CXXC5: variants seen among roughly 807,000 people sequenced by gnomAD.
The protein encoded by CXXC5 is CXXC finger protein 5, also known as CXXC-type zinc finger protein 5.
In CXXC5, 2 loss-of-function variants were observed where a neutral mutation model predicts 17.6. The ratio of observed to expected loss-of-function variants is 0.11; its 90% CI spans 0.05 to 0.36. CXXC5 has a LOEUF of 0.36. Ranked by LOEUF, CXXC5 falls within the 10% of genes least tolerant of loss-of-function variation. The probability of loss-of-function intolerance (pLI) is 1.00; values close to 1 mark genes in which losing one functional copy is unlikely to be tolerated. For missense variants in CXXC5, 343 were observed against 458.3 expected (o/e 0.75, Z 2.30); for synonymous variants, 171 against 193.0 (o/e 0.89, Z 0.94).
At chr5:139,679,117 G>A (rs1345245165) in intron 1 of CXXC5, among the ~76,000 whole-genome samples, 2 of 152,178 alleles carry the variant, frequency 1.3e-5, no homozygotes, top group Non-Finnish European at 2.9e-5. Flanking sequence ...CTACTCCTCA[G>A]TGCCAGCCTG....
chr5:139,664,898 G>A (rs186762682), intron 1 of CXXC5, among the ~76,000 whole-genome samples: 1 of 152,360 alleles, frequency 6.6e-6, no homozygotes, highest in Admixed American at 6.5e-5. Context: ...GGAGAATCAT[G>A]ATGCCTACCT....
chr5:139,656,360 T>C (rs1377328009), intron 1 of CXXC5, among the ~76,000 whole-genome samples: 2 of 152,246 alleles, frequency 1.3e-5, no homozygotes, highest in African/African-American at 4.8e-5. Flanking sequence ...CTCAGTGGGC[T>C]TGAGTGGCTG....
rs987986401 is a variant in CXXC5 at position 139,683,046 on chromosome 5, T to A, written c.*139T>A. On this transcript the variant is annotated 3_prime_UTR_variant, in exon 3 of 3. Transcript: ENST00000302517. Reference sequence around the variant, plus strand: ...TCTCTCACAGATTTCATTCCTGTTTTTATATATATATTTTTTGTTGTCGTT... The same window carrying A: ...TCTCTCACAGATTTCATTCCTGTTTATATATATATATTTTTTGTTGTCGTT... 8 of 637,798 alleles carry A rather than the reference T, an allele frequency of 1.3e-5. No individual in the cohort carries two copies. The highest frequency in any genetic ancestry group is 5.5e-5 in the South Asian group (1 of 18,056). The allele number at this position is 637,798 out of a possible 1,614,324, so 39.5% of individuals were successfully genotyped here. A position where few individuals can be genotyped will look rare whatever the true frequency, so the allele number is the denominator to read the frequency against.
chr5:139,659,655 C>T (rs1755674863), intron 1 of CXXC5: 1 of 152,196 alleles, frequency 6.6e-6, no homozygotes. Flanking sequence ...AGTGGGAGCC[C>T]TCCGGAAGGT....
At chr5:139,672,017 G>A (rs530112141) in intron 1 of CXXC5, among the ~76,000 whole-genome samples, 16 of 152,330 alleles carry the variant, frequency 1.1e-4, no homozygotes, top group Non-Finnish European at 2.1e-4. Context: ...AGTAGAATCC[G>A]GTGAGAAAAT....
At chr5:139,666,164 A>T (rs1203007648) in intron 1 of CXXC5, among the ~76,000 whole-genome samples, 1 of 152,168 alleles carries the variant, frequency 6.6e-6, no homozygotes, top group Non-Finnish European at 1.5e-5. Flanking sequence ...GGTGGAGCAG[A>T]GGTGGGTAGA....
intron 1 of CXXC5, among the ~76,000 whole-genome samples, chr5:139,651,832 T>G (rs182695274): frequency 2.0e-4 from 30 of 152,268 alleles, no homozygotes; most frequent in African/African-American, 7.2e-4. Context: ...TTAACAAGCA[T>G]GATGCTCTGG....
chr5:139,657,698 C>G (rs575021110), intron 1 of CXXC5, among the ~76,000 whole-genome samples: 1 of 152,336 alleles, frequency 6.6e-6, no homozygotes, highest in South Asian at 2.1e-4. Context: ...ATTTTTCCAT[C>G]TGTCAGATGG....
rs1756619841 is a variant in CXXC5 at position 139,673,813 on chromosome 5, C to G, written c.-160-6551C>G. ...GCTGAGATCGGGCCACGCACTCCAG[C>G]CTGGGTGACAGAGCAAGACTCTTGT... On this transcript the variant is annotated intron_variant, in intron 1 of 2. Coordinates refer to ENST00000302517, the MANE Select transcript of CXXC5 (RefSeq NM_016463.9). 2.7e-5 allele frequency among the ~76,000 whole-genome samples: 4 copies of G among 149,660 alleles called. No homozygotes were observed. In the South Asian group the frequency reaches 8.5e-4, roughly 32 times the overall value.
intron 2 of CXXC5, among the ~76,000 whole-genome samples, chr5:139,681,990 T>G (rs2126832151): frequency 6.6e-6 from 1 of 152,218 alleles, no homozygotes; most frequent in East Asian, 1.9e-4. Flanking sequence ...ACCCTTGGTC[T>G]GGGCACCTAG....
intron 1 of CXXC5, among the ~76,000 whole-genome samples, chr5:139,667,519 T>C (rs1756175651): frequency 6.6e-6 from 1 of 152,220 alleles, no homozygotes; most frequent in South Asian, 2.1e-4. Flanking sequence ...ACACAGCCTG[T>C]TGAGGGGCAG....
chr5:139,666,394 G>A (rs1409439138), intron 1 of CXXC5, among the ~76,000 whole-genome samples: 1 of 152,122 alleles, frequency 6.6e-6, no homozygotes, highest in African/African-American at 2.4e-5. Context: ...CCATGCCCCA[G>A]GGGTCTCAGG....
chr5:139,649,660 G>A (rs1755061591), intron 1 of CXXC5: 1 of 152,350 alleles, frequency 6.6e-6, no homozygotes, highest in African/African-American at 2.4e-5. Context: ...CCCAGCCTTG[G>A]GGAGTCTTTT....
At chr5:139,660,761 C>T (rs1755755337) in intron 1 of CXXC5, among the ~76,000 whole-genome samples, 1 of 150,434 alleles carries the variant, frequency 6.6e-6, no homozygotes, top group African/African-American at 2.5e-5. Flanking sequence ...TTAGTCAGTC[C>T]TGCAGAGCCA....
chr5:139,662,201 G>A (rs2126767927), intron 1 of CXXC5, among the ~76,000 whole-genome samples: 2 of 152,220 alleles, frequency 1.3e-5, no homozygotes, highest in Middle Eastern at 6.8e-3. Flanking sequence ...CCCCTTAGTT[G>A]CCAAGGCCCT....
intron 1 of CXXC5, chr5:139,665,894 T>TAAAC (rs1190102981): frequency 6.6e-6 from 1 of 152,272 alleles, no homozygotes; most frequent in Non-Finnish European, 1.5e-5. Flanking sequence ...CTGCTGAGGA[T>TAAAC]AAGAACCCGG....
chr5:139,672,278 C>T (rs546864830), intron 1 of CXXC5, among the ~76,000 whole-genome samples: 3 of 152,078 alleles, frequency 2.0e-5, no homozygotes, highest in African/African-American at 4.8e-5. Context: ...CCACCACGCT[C>T]GGCTAATTTT....
At chr5:139,656,932 C>A (rs1209505726) in intron 1 of CXXC5, among the ~76,000 whole-genome samples, 1 of 152,132 alleles carries the variant, frequency 6.6e-6, no homozygotes, top group Non-Finnish European at 1.5e-5. Context: ...TCCATGTTGG[C>A]CAGGCTGGTC....
chr5:139,648,096 G>A (rs1455056768), upstream of CXXC5: 1 of 151,234 alleles, frequency 6.6e-6, no homozygotes, highest in Non-Finnish European at 1.5e-5. Flanking sequence ...GGCGAAGACG[G>A]GGCGCGCAAG....
Sources: allele counts gnomAD v4.1 joint callset (sites outside exome capture counted in the v4.1 genomes callset), GRCh38; gene constraint gnomAD v4.1.1; transcripts MANE v1.5; gene names NCBI Gene and HGNC (gene_info 2026-07-23, HGNC 2026-07-21).